The following KIAA1217 variants were observed in gnomAD, a reference collection of about 807,000 sequenced individuals.
KIAA1217 encodes the protein sickle tail protein homolog.
A neutral mutation model predicts 163.9 loss-of-function variants in KIAA1217; 88 were observed. The ratio of observed to expected loss-of-function variants is 0.54; its 90% CI spans 0.45 to 0.64. The LOEUF is 0.64. Ranked by LOEUF, KIAA1217 falls within the 30% of genes least tolerant of loss-of-function variation. The pLI is 0.00. For missense variants in KIAA1217, 2,372 were observed against 2,475.0 expected (o/e 0.96, Z 0.88); for synonymous variants, 903 against 923.1 (o/e 0.98, Z 0.39).
chr10:24,128,899 G>A (rs568520282), intron 2 of KIAA1217, among the ~76,000 whole-genome samples: 20 of 152,290 alleles, frequency 1.3e-4, no homozygotes, highest in Non-Finnish European at 1.9e-4. Flanking sequence ...CTAAGCTCTC[G>A]TAGCCAAGGC....
chr10:24,079,392 G>A (rs968916747), intron 2 of KIAA1217, among the ~76,000 whole-genome samples: 4 of 152,122 alleles, frequency 2.6e-5, no homozygotes, highest in African/African-American at 9.7e-5. Flanking sequence ...CAGAGTTAGG[G>A]TTAGGTAATT....
At chr10:23,783,463 C>G (rs906409609) in intron 1 of KIAA1217, among the ~76,000 whole-genome samples, 1 of 152,140 alleles carries the variant, frequency 6.6e-6, no homozygotes, top group Non-Finnish European at 1.5e-5. Flanking sequence ...TTTCAATTTG[C>G]TGGTATCTAA....
intron 10 of KIAA1217, among the ~76,000 whole-genome samples, chr10:24,519,772 CCTCT>C (rs965023696): frequency 2.0e-5 from 3 of 151,998 alleles, no homozygotes; most frequent in African/African-American, 7.3e-5. Context: ...TCTCTTTCTC[CCTCT>C]CTCTCCTACC....
chr10:23,976,188 A>G (rs1845533743), intron 1 of KIAA1217, among the ~76,000 whole-genome samples: 1 of 152,172 alleles, frequency 6.6e-6, no homozygotes. Context: ...TTTTTGATGA[A>G]GAATCGAGTT....
intron 1 of KIAA1217, among the ~76,000 whole-genome samples, chr10:23,750,020 C>CT (rs936046623): frequency 6.6e-6 from 1 of 151,542 alleles, no homozygotes; most frequent in African/African-American, 2.4e-5. Context: ...CTTTTCTTTT[C>CT]TTTTTTTGAC....
chr10:24,091,749 C>T lies in KIAA1217; in HGVS notation c.-171+84375C>T, dbSNP rs150262654. ...CTTTGCTTCTTTTCCATAGCAAATG[C>T]TTCACCGCTGCTAGGCAAGCAAAGG... On this transcript the variant is annotated intron_variant, in intron 2 of 18. Transcript: ENST00000376462. Among the ~76,000 whole-genome samples the T allele has an allele frequency of 5.1e-4, 77 of 151,936 alleles. 1 individual carries two copies. The highest frequency in any genetic ancestry group is 9.2e-4 in the Admixed American group (14 of 15,294).
intron 6 of KIAA1217, among the ~76,000 whole-genome samples, chr10:24,492,599 A>G (rs970978101): frequency 3.3e-5 from 5 of 152,178 alleles, no homozygotes; most frequent in African/African-American, 1.2e-4. Flanking sequence ...GAAACTCAGT[A>G]TTGTGACAGA....
At chr10:23,785,778 G>T (rs1164153861) in intron 1 of KIAA1217, among the ~76,000 whole-genome samples, 2 of 152,066 alleles carry the variant, frequency 1.3e-5, no homozygotes, top group Non-Finnish European at 2.9e-5. Context: ...AGAAATATAT[G>T]TAGTAATTTG....
chr10:23,900,159 C>T (rs1372619531), intron 1 of KIAA1217, among the ~76,000 whole-genome samples: 1 of 152,006 alleles, frequency 6.6e-6, no homozygotes, highest in Non-Finnish European at 1.5e-5. Context: ...GCCCCCACCA[C>T]CACTCCTGGT....
intron 1 of KIAA1217, among the ~76,000 whole-genome samples, chr10:23,795,800 G>C (rs1034934522): frequency 1.3e-5 from 2 of 152,090 alleles, no homozygotes; most frequent in Admixed American, 6.6e-5. Flanking sequence ...ATAGCAATTG[G>C]CATTTTTCAT....
intron 3 of KIAA1217, among the ~76,000 whole-genome samples, chr10:24,400,559 C>T (rs1443105095): frequency 6.6e-6 from 1 of 152,162 alleles, no homozygotes; most frequent in Non-Finnish European, 1.5e-5. Flanking sequence ...CAGATCCATG[C>T]TTACCTCCAA....
intron 2 of KIAA1217, among the ~76,000 whole-genome samples, chr10:24,281,657 G>C (rs1308504228): frequency 6.6e-6 from 1 of 152,140 alleles, no homozygotes; most frequent in Non-Finnish European, 1.5e-5. Context: ...TCCTTCAATT[G>C]AGACTTGTCT....
chr10:23,855,059 G>C (rs549767857), intron 1 of KIAA1217, among the ~76,000 whole-genome samples: 2 of 152,244 alleles, frequency 1.3e-5, no homozygotes, highest in African/African-American at 2.4e-5. Context: ...CTGTCATTAT[G>C]ATGTTAGCTG....
intron 1 of KIAA1217, among the ~76,000 whole-genome samples, chr10:23,857,782 TAGA>T (rs149651878): frequency 0.023 from 3,525 of 152,162 alleles, 146 homozygotes; most frequent in African/African-American, 0.08. Context: ...TATAATATAT[TAGA>T]AGGAGATAGC....
chr10:24,059,381 G>T (rs1490013999), intron 2 of KIAA1217, among the ~76,000 whole-genome samples: 1 of 152,028 alleles, frequency 6.6e-6, no homozygotes, highest in African/African-American at 2.4e-5. Context: ...TGAAGATAAT[G>T]CTGGTCTCAT....
At chr10:24,248,697 A>AG (rs2074130142) in intron 2 of KIAA1217, among the ~76,000 whole-genome samples, 1 of 150,342 alleles carries the variant, frequency 6.7e-6, no homozygotes, top group Non-Finnish European at 1.5e-5. Context: ...AAAAAAAAAA[A>AG]TGTCCCTCAT....
At chr10:23,922,549 G>A (rs1323653571) in intron 1 of KIAA1217, among the ~76,000 whole-genome samples, 1 of 152,110 alleles carries the variant, frequency 6.6e-6, no homozygotes, top group Non-Finnish European at 1.5e-5. Flanking sequence ...TTAACCTGTG[G>A]GGTCTGTGCT....
intron 2 of KIAA1217, among the ~76,000 whole-genome samples, chr10:24,315,158 G>C (rs7074936): frequency 0.14 from 21,500 of 152,064 alleles, 2,023 homozygotes; most frequent in East Asian, 0.4. Flanking sequence ...CTTCCAAAGA[G>C]AAGTGGGTGC....
chr10:24,421,253 AC>A (rs1474340250), intron 3 of KIAA1217, among the ~76,000 whole-genome samples: 1 of 152,166 alleles, frequency 6.6e-6, no homozygotes, highest in Non-Finnish European at 1.5e-5. Flanking sequence ...TGATCCACCC[AC>A]CTCAGCCTTC....
Sources: gnomAD v4.1 joint callset for allele counts (sites outside exome capture counted in the v4.1 genomes callset) on GRCh38, gnomAD v4.1.1 for gene constraint, MANE v1.5 for transcripts, NCBI Gene and HGNC (gene_info 2026-07-23, HGNC 2026-07-21) for gene names.